The following ARHGEF7 variants were observed in gnomAD, a reference collection of about 807,000 sequenced individuals.
The protein encoded by ARHGEF7 is Rho guanine nucleotide exchange factor 7, also known as PAK-interacting exchange factor beta.
Under a neutral mutation model 109.8 loss-of-function variants are expected in ARHGEF7, and 33 were observed. That is an observed-to-expected ratio of 0.30 (90% CI 0.23 to 0.40). The LOEUF is 0.40. Among genes scored for constraint, ARHGEF7 ranks in the 10% least tolerant of loss-of-function variants. The pLI, the probability that ARHGEF7 is intolerant of heterozygous loss-of-function variation, is 1.00. For missense variants in ARHGEF7, 938 were observed against 1,098.5 expected (o/e 0.85, Z 2.07); for synonymous variants, 458 against 424.6 (o/e 1.08, Z -0.97).
At chr13:111,184,158 T>C (rs936527834) in intron 2 of ARHGEF7, among the ~76,000 whole-genome samples, 1 of 152,194 alleles carries the variant, frequency 6.6e-6, no homozygotes, top group Non-Finnish European at 1.5e-5. Context: ...TATAAGGGGC[T>C]TCCCCTGCTT....
intron 6 of ARHGEF7, among the ~76,000 whole-genome samples, chr13:111,237,966 G>C (rs1015122889): frequency 2.6e-5 from 4 of 152,182 alleles, no homozygotes; most frequent in African/African-American, 9.7e-5. Flanking sequence ...ACGGGCCTCT[G>C]AGGCTAGGGA....
At chr13:111,298,211 T>C in intron 19 of ARHGEF7, among the ~76,000 whole-genome samples, 1 of 152,354 alleles carries the variant, frequency 6.6e-6, no homozygotes, top group African/African-American at 2.4e-5. Flanking sequence ...CTTTGTTTCA[T>C]TTTTTATTTT....
At chr13:111,193,392 C>T (rs921954538) in intron 2 of ARHGEF7, among the ~76,000 whole-genome samples, 11 of 152,212 alleles carry the variant, frequency 7.2e-5, no homozygotes, top group African/African-American at 2.2e-4. Flanking sequence ...TGCCTTTTCT[C>T]CTTCACTTCC....
At chr13:111,240,021 G>A (rs1033298737) in intron 6 of ARHGEF7, among the ~76,000 whole-genome samples, 33 of 152,170 alleles carry the variant, frequency 2.2e-4, no homozygotes, top group Non-Finnish European at 4.3e-4. Flanking sequence ...CCAATGACTG[G>A]CACTCTTGAG....
rs1160579724 is a variant in ARHGEF7 at position 111,280,608 on chromosome 13, A to G, written c.1656A>G (p.Leu552=). The change falls in exon 15 of 22, where the codon CTA becomes CTG. Residue 552 remains leucine, a synonymous_variant. Coordinates refer to ENST00000646102, the MANE Select transcript of ARHGEF7 (RefSeq NM_001354046.2). The part of the protein sequence containing the change: ...QQDLQEWVEH[L]QKQTKVTSVG... ...ATCTGCAGGAATGGGTGGAGCACCT[A>G]CAGAAGCAAACGAAGGTCACGTCTG... is the stretch of plus-strand genomic sequence containing the variant. 4.3e-6 allele frequency: 7 copies of G among 1,613,018 alleles called. No individual in the cohort carries two copies. Among genetic ancestry groups the G allele is most frequent in the Non-Finnish European group, 5.1e-6 (6 of 1,179,656 alleles).
intron 8 of ARHGEF7, among the ~76,000 whole-genome samples, chr13:111,256,012 A>AT (rs1187035398): frequency 6.6e-6 from 1 of 152,084 alleles, no homozygotes; most frequent in Non-Finnish European, 1.5e-5. Flanking sequence ...TATTTTAATT[A>AT]TTTTTTTCCT....
chr13:111,120,497 G>A (rs533953607), intron 1 of ARHGEF7, among the ~76,000 whole-genome samples: 22 of 150,184 alleles, frequency 1.5e-4, no homozygotes, highest in African/African-American at 4.1e-4. Flanking sequence ...ACACATGCGT[G>A]TACATAGACA....
intron 4 of ARHGEF7, among the ~76,000 whole-genome samples, chr13:111,214,514 G>A (rs562094821): frequency 4.6e-5 from 7 of 152,250 alleles, no homozygotes; most frequent in Admixed American, 1.3e-4. Flanking sequence ...GAGCATGGTC[G>A]CGATCACAGC....
rs1227940338 is a variant in ARHGEF7, at chr13:111,300,731, T to A, written c.2312-17T>A. The stretch of plus-strand genomic sequence containing the variant: ...GTATTCGCCTGAGGTTTATTTATTA[T>A]TTTTTCATGATCCTAGGTTCACGCA... On this transcript the variant is annotated splice_polypyrimidine_tract_variant and intron_variant, in intron 19 of 21. Transcript: ENST00000646102. 1.9e-6 allele frequency: 3 copies of A among 1,560,346 alleles called. No homozygotes were observed. The highest frequency in any genetic ancestry group is 2.6e-6 in the Non-Finnish European group (3 of 1,145,632).
chr13:111,257,962 G>A (rs1171878485), intron 8 of ARHGEF7, among the ~76,000 whole-genome samples: 1 of 152,248 alleles, frequency 6.6e-6, no homozygotes, highest in Non-Finnish European at 1.5e-5. Flanking sequence ...AATGACCTGG[G>A]GTTCTAAATA....
At chr13:111,187,600 T>G (rs1338821690) in intron 2 of ARHGEF7, among the ~76,000 whole-genome samples, 3 of 152,234 alleles carry the variant, frequency 2.0e-5, no homozygotes, top group Non-Finnish European at 4.4e-5. Context: ...TAATGTACAT[T>G]GTGTTATATA....
intron 6 of ARHGEF7, among the ~76,000 whole-genome samples, chr13:111,238,865 G>A (rs983919730): frequency 6.6e-6 from 1 of 152,176 alleles, no homozygotes; most frequent in Non-Finnish European, 1.5e-5. Context: ...TAGGCTTTCT[G>A]TATTAGTCCG....
chr13:111,232,915 C>T (rs1025735993), intron 5 of ARHGEF7, among the ~76,000 whole-genome samples: 2 of 152,200 alleles, frequency 1.3e-5, no homozygotes, highest in African/African-American at 4.8e-5. Flanking sequence ...TGTAGCTAAA[C>T]TGCTTTGGTT....
At chr13:111,225,271 C>G (rs1167232930) in intron 5 of ARHGEF7, among the ~76,000 whole-genome samples, 1 of 152,086 alleles carries the variant, frequency 6.6e-6, no homozygotes, top group Admixed American at 6.5e-5. Context: ...TGCATTTATG[C>G]TTAAGTAATT....
intron 2 of ARHGEF7, among the ~76,000 whole-genome samples, chr13:111,174,820 T>C (rs9522149): frequency 0.51 from 77,735 of 151,814 alleles, 25,928 homozygotes; most frequent in Non-Finnish European, 0.75. Flanking sequence ...TTGCAGCTCC[T>C]AGGAAGCAGT....
Position 111,197,815 on chromosome 13 carries a change from C to T in ARHGEF7, c.253-7474C>T, listed in dbSNP as rs7324142. Reference sequence around the variant, plus strand: ...GGGTGCCTAAAGAAGGGAACAGAGTCCTGAAACTAGAAAAGAACTAGAGAC... The same window carrying T: ...GGGTGCCTAAAGAAGGGAACAGAGTTCTGAAACTAGAAAAGAACTAGAGAC... On this transcript the variant is annotated intron_variant, in intron 2 of 21. Coordinates refer to ENST00000646102, the MANE Select transcript of ARHGEF7 (RefSeq NM_001354046.2). 3.9e-5 allele frequency among the ~76,000 whole-genome samples: 6 copies of T among 151,986 alleles called. 1 individual carries two copies. The highest frequency in any genetic ancestry group is 1.4e-4 in the African/African-American group (6 of 41,382).
chr13:111,271,440 T>G (rs1299007766), intron 9 of ARHGEF7, among the ~76,000 whole-genome samples: 2 of 152,224 alleles, frequency 1.3e-5, no homozygotes, highest in African/African-American at 4.8e-5. Context: ...CTCATGTCAA[T>G]GCAGCCTGTA....
chr13:111,161,946 T>C (rs1297898637), intron 2 of ARHGEF7, among the ~76,000 whole-genome samples: 2 of 152,250 alleles, frequency 1.3e-5, no homozygotes, highest in African/African-American at 4.8e-5. Context: ...AGGTGGATTC[T>C]AAGTTTCCAC....
chr13:111,115,462 G>A lies in ARHGEF7; in HGVS notation c.-65G>A. The A allele has an allele frequency of 2.0e-6, 2 of 997,402 alleles. No homozygotes were observed. The highest frequency in any genetic ancestry group is 4.4e-5 in the South Asian group (1 of 22,516). 61.8% of individuals were successfully genotyped at this position (997,402 alleles called of 1,614,324 possible). On this transcript the variant is annotated 5_prime_UTR_variant, in exon 1 of 22. Transcript: ENST00000646102. ...CGGCGGCGGCGGCGGCGGGGGCCGC[G>A]GGCCGGGCCGCCGCTCCGAGGTGAA...
Sources: allele counts gnomAD v4.1 joint callset (sites outside exome capture counted in the v4.1 genomes callset), GRCh38; gene constraint gnomAD v4.1.1; transcripts MANE v1.5; gene names NCBI Gene and HGNC (gene_info 2026-07-23, HGNC 2026-07-21).